CNTN5: variants seen among roughly 807,000 people sequenced by gnomAD.
The protein encoded by CNTN5 is contactin 5, also known as contactin-5.
In CNTN5, 77 loss-of-function variants were observed where a neutral mutation model predicts 129.1. That is an observed-to-expected ratio of 0.60 (90% CI 0.50 to 0.72). The LOEUF (loss-of-function observed/expected upper bound fraction) is 0.72. Ranked by LOEUF, CNTN5 falls within the 30% of genes least tolerant of loss-of-function variation. The probability of loss-of-function intolerance (pLI) is 0.00; values close to 1 mark genes in which losing one functional copy is unlikely to be tolerated. For missense variants in CNTN5, 1,478 were observed against 1,328.8 expected (o/e 1.11, Z -1.75); for synonymous variants, 509 against 465.6 (o/e 1.09, Z -1.20).
intron 1 of CNTN5, among the ~76,000 whole-genome samples, chr11:99,102,201 G>T (rs1251222595): frequency 6.6e-6 from 1 of 152,076 alleles, no homozygotes. Context: ...ACAGCAGGGG[G>T]TTCTGGGCCT....
intron 3 of CNTN5, among the ~76,000 whole-genome samples, chr11:99,644,473 A>G (rs1278676773): frequency 6.6e-6 from 1 of 152,168 alleles, no homozygotes. Context: ...CAAATAATTA[A>G]TTCTTCCTAT....
intron 2 of CNTN5, among the ~76,000 whole-genome samples, chr11:99,473,292 T>C (rs1945246268): frequency 6.6e-6 from 1 of 152,166 alleles, no homozygotes; most frequent in Non-Finnish European, 1.5e-5. Context: ...AGACTAATTT[T>C]GATTTTCACT....
At chr11:99,289,503 C>A (rs187535415) in intron 1 of CNTN5, among the ~76,000 whole-genome samples, 3 of 151,712 alleles carry the variant, frequency 2.0e-5, no homozygotes, top group Admixed American at 2.0e-4. Flanking sequence ...AGATGGGCAC[C>A]AATACACTCA....
chr11:99,123,818 A>T (rs1387175277), intron 1 of CNTN5, among the ~76,000 whole-genome samples: 2 of 151,886 alleles, frequency 1.3e-5, no homozygotes, highest in African/African-American at 4.8e-5. Flanking sequence ...TTTCTCTATT[A>T]CTAGTTTTTG....
intron 9 of CNTN5, among the ~76,000 whole-genome samples, chr11:100,036,006 C>T (rs1339788564): frequency 6.6e-6 from 1 of 152,048 alleles, no homozygotes; most frequent in Non-Finnish European, 1.5e-5. Flanking sequence ...CTTTTGGTGC[C>T]GTTGCTTTTG....
chr11:99,868,218 T>TTAA, intron 6 of CNTN5, among the ~76,000 whole-genome samples: 1 of 119,118 alleles, frequency 8.4e-6, no homozygotes, highest in East Asian at 2.3e-4. Context: ...CTCCATCTCA[T>TTAA]AAAAAAAAAA....
chr11:100,112,488 T>C (rs962765953), intron 13 of CNTN5, among the ~76,000 whole-genome samples: 1 of 152,144 alleles, frequency 6.6e-6, no homozygotes, highest in Non-Finnish European at 1.5e-5. Flanking sequence ...ATGTAACATA[T>C]ATCCCTGTGT....
intron 6 of CNTN5, among the ~76,000 whole-genome samples, chr11:99,893,865 A>G (rs886686806): frequency 2.0e-5 from 3 of 152,180 alleles, no homozygotes; most frequent in African/African-American, 4.8e-5. Flanking sequence ...AGCAAATAAT[A>G]TATAGTTTTT....
rs140102595 is a variant in CNTN5, at chr11:99,274,707, G to T, written c.-209-50639G>T. ...TGCTTCTTATAGTTTGTGTGTGTTTGTGTGTTCTAATTCCAGCTCTGACAC... is the reference window on the plus strand; with the variant it reads ...TGCTTCTTATAGTTTGTGTGTGTTTTTGTGTTCTAATTCCAGCTCTGACAC... On this transcript the variant is annotated intron_variant, in intron 1 of 24. Transcript: ENST00000524871. 4.3e-3 allele frequency among the ~76,000 whole-genome samples: 657 copies of T among 151,460 alleles called. 7 individuals carry two copies. The highest frequency in any genetic ancestry group is 0.015 in the African/African-American group (624 of 41,410).
intron 16 of CNTN5, among the ~76,000 whole-genome samples, chr11:100,244,281 T>C (rs918915008): frequency 1.3e-5 from 2 of 152,174 alleles, no homozygotes; most frequent in East Asian, 1.9e-4. Flanking sequence ...ACCAACAAAA[T>C]AGTCATCTTT....
At position 99,539,248 on chromosome 11, in the gene CNTN5, T is replaced by C. The variant is rs12279616; in HGVS notation, c.-70-16897T>C. On this transcript the variant is annotated intron_variant, in intron 2 of 24. Coordinates refer to ENST00000524871, the MANE Select transcript of CNTN5 (RefSeq NM_014361.4). ...ATTCCTAGTTAAGATGTAAATGTTA[T>C]TTTGAGATTGTTTATGACATGATTT... Among the ~76,000 whole-genome samples the C allele has an allele frequency of 5.0e-3, 754 of 152,232 alleles. 3 individuals are homozygous for C. Among genetic ancestry groups the C allele is most frequent in the African/African-American group, 0.016 (680 of 41,572 alleles).
intron 2 of CNTN5, among the ~76,000 whole-genome samples, chr11:99,419,868 T>C (rs1428514470): frequency 1.3e-5 from 2 of 152,184 alleles, no homozygotes; most frequent in African/African-American, 2.4e-5. Flanking sequence ...CAGAGGTCTT[T>C]TAATTAATTT....
At chr11:99,451,908 T>C (rs975154607) in intron 2 of CNTN5, among the ~76,000 whole-genome samples, 12 of 152,178 alleles carry the variant, frequency 7.9e-5, no homozygotes, top group Non-Finnish European at 1.3e-4. Context: ...AGTAATTCAA[T>C]AAATGGTGCC....
intron 4 of CNTN5, among the ~76,000 whole-genome samples, chr11:99,825,252 T>G (rs1946917227): frequency 6.6e-6 from 1 of 152,026 alleles, no homozygotes; most frequent in Non-Finnish European, 1.5e-5. Flanking sequence ...TTAGATAGAC[T>G]GTTTTCTATA....
At chr11:99,933,717 C>T (rs549125758) in intron 7 of CNTN5, among the ~76,000 whole-genome samples, 131 of 152,202 alleles carry the variant, frequency 8.6e-4, no homozygotes, top group Non-Finnish European at 1.5e-3. Context: ...TTGGTGCAAA[C>T]GTAATTGTCG....
intron 1 of CNTN5, among the ~76,000 whole-genome samples, chr11:99,217,111 C>T (rs1860167035): frequency 6.6e-6 from 1 of 152,110 alleles, no homozygotes; most frequent in African/African-American, 2.4e-5. Flanking sequence ...ACCTGGGAGG[C>T]AGAGTTTCCA....
chr11:99,537,478 C>A (rs572030957), intron 2 of CNTN5, among the ~76,000 whole-genome samples: 1 of 151,970 alleles, frequency 6.6e-6, no homozygotes, highest in East Asian at 1.9e-4. Flanking sequence ...TAAGTAAGAC[C>A]CCTCCCCACC....
intron 3 of CNTN5, among the ~76,000 whole-genome samples, chr11:99,722,466 G>A (rs1943205178): frequency 6.6e-6 from 1 of 151,964 alleles, no homozygotes; most frequent in Admixed American, 6.6e-5. Flanking sequence ...AATAGACACT[G>A]GGGTCTACTT....
chr11:99,791,652 G>C (rs1158457455), intron 3 of CNTN5, among the ~76,000 whole-genome samples: 1 of 152,168 alleles, frequency 6.6e-6, no homozygotes, highest in African/African-American at 2.4e-5. Context: ...ATTCTGAGAA[G>C]AATGTAATTG....
Sources: gnomAD v4.1 joint callset for allele counts (sites outside exome capture counted in the v4.1 genomes callset) on GRCh38, gnomAD v4.1.1 for gene constraint, MANE v1.5 for transcripts, NCBI Gene and HGNC (gene_info 2026-07-23, HGNC 2026-07-21) for gene names.